The following CDH13 variants were observed in gnomAD, a reference collection of about 807,000 sequenced individuals.
The protein encoded by CDH13 is cadherin 13.
Under a neutral mutation model 63.8 loss-of-function variants are expected in CDH13, and 24 were observed. That is an observed-to-expected ratio of 0.38 (90% CI 0.27 to 0.53). The LOEUF (loss-of-function observed/expected upper bound fraction) is 0.53. CDH13 is among the 20% of genes least tolerant of loss of function. The probability of loss-of-function intolerance (pLI) is 0.85; values close to 1 mark genes in which losing one functional copy is unlikely to be tolerated. For synonymous variants in CDH13, 503 were observed against 355.3 expected (o/e 1.42, Z -4.67); for missense variants, 1,049 against 903.1 (o/e 1.16, Z -2.07).
At chr16:83,353,031 G>C (rs2090987925) in intron 6 of CDH13, among the ~76,000 whole-genome samples, 1 of 152,224 alleles carries the variant, frequency 6.6e-6, no homozygotes, top group Non-Finnish European at 1.5e-5. Flanking sequence ...TGTACACATG[G>C]ACATAGAGTG....
chr16:83,226,465 T>C (rs1021907186), intron 5 of CDH13, among the ~76,000 whole-genome samples: 1 of 152,188 alleles, frequency 6.6e-6, no homozygotes, highest in Non-Finnish European at 1.5e-5. Context: ...CTTAATTTTC[T>C]CTTCTCCACC....
intron 4 of CDH13, among the ~76,000 whole-genome samples, chr16:83,181,773 GT>G (rs1383861366): frequency 6.6e-6 from 1 of 152,152 alleles, no homozygotes; most frequent in African/African-American, 2.4e-5. Flanking sequence ...CACAGGCAAA[GT>G]GAGTGTGTGT....
chr16:83,607,703 A>G (rs1908473160), intron 8 of CDH13, among the ~76,000 whole-genome samples: 1 of 152,216 alleles, frequency 6.6e-6, no homozygotes, highest in South Asian at 2.1e-4. Context: ...TGGAAACGCT[A>G]GTTTTTCTCT....
intron 3 of CDH13, among the ~76,000 whole-genome samples, chr16:83,057,156 G>C (rs1213027500): frequency 6.6e-6 from 1 of 152,058 alleles, no homozygotes; most frequent in Non-Finnish European, 1.5e-5. Context: ...TAGGAGAAAT[G>C]GGGTTTCACC....
chr16:83,366,158 T>A (rs908090585), intron 6 of CDH13, among the ~76,000 whole-genome samples: 10 of 152,196 alleles, frequency 6.6e-5, no homozygotes, highest in African/African-American at 2.4e-5. Context: ...GGGATTTTTT[T>A]AAAAAAGCAC....
At chr16:83,105,867 G>C (rs181927942) in intron 3 of CDH13, among the ~76,000 whole-genome samples, 170 of 152,304 alleles carry the variant, frequency 1.1e-3, no homozygotes, top group African/African-American at 4.0e-3. Context: ...GGAGAAAGTA[G>C]TGAGTCAGCG....
chr16:82,645,069 A>C (rs1229410269), intron 1 of CDH13, among the ~76,000 whole-genome samples: 1 of 152,150 alleles, frequency 6.6e-6, no homozygotes, highest in Non-Finnish European at 1.5e-5. Flanking sequence ...CCCTGAGGTT[A>C]AGGAAACTCT....
intron 8 of CDH13, among the ~76,000 whole-genome samples, chr16:83,607,611 A>G (rs1045049471): frequency 6.6e-6 from 1 of 152,210 alleles, no homozygotes; most frequent in African/African-American, 2.4e-5. Context: ...TTCACTGCAT[A>G]CGATGAACGA....
chr16:83,034,599 G>A (rs1195003391), intron 3 of CDH13, among the ~76,000 whole-genome samples: 2 of 152,234 alleles, frequency 1.3e-5, no homozygotes, highest in Non-Finnish European at 2.9e-5. Flanking sequence ...TAGAAACATG[G>A]AAATGGTATG....
intron 1 of CDH13, among the ~76,000 whole-genome samples, chr16:82,744,736 C>A (rs778266567): frequency 6.6e-5 from 10 of 152,142 alleles, no homozygotes; most frequent in Admixed American, 1.3e-4. Flanking sequence ...TACACATGAT[C>A]GCATTTAAGC....
At chr16:82,968,570 A>G (rs567987837) in intron 2 of CDH13, among the ~76,000 whole-genome samples, 13 of 152,094 alleles carry the variant, frequency 8.5e-5, no homozygotes, top group African/African-American at 1.4e-4. Context: ...CCACTTTTTA[A>G]CACACTGCAG....
intron 2 of CDH13, among the ~76,000 whole-genome samples, chr16:83,015,918 A>G (rs971187170): frequency 6.6e-6 from 1 of 151,718 alleles, no homozygotes; most frequent in Non-Finnish European, 1.5e-5. Flanking sequence ...TGCACTTCCC[A>G]TGATAATTCA....
At chr16:83,190,114 TACAC>T (rs1016000288) in intron 4 of CDH13, among the ~76,000 whole-genome samples, 18 of 152,210 alleles carry the variant, frequency 1.2e-4, no homozygotes, top group African/African-American at 4.1e-4. Flanking sequence ...AACAGACTAA[TACAC>T]ACATCTAACA....
chr16:83,224,533 A>G (rs534648407), intron 5 of CDH13, among the ~76,000 whole-genome samples: 1 of 152,350 alleles, frequency 6.6e-6, no homozygotes, highest in South Asian at 2.1e-4. Flanking sequence ...AATAACACAC[A>G]TGTGACCTAG....
intron 11 of CDH13, among the ~76,000 whole-genome samples, chr16:83,749,837 G>C (rs76373291): frequency 6.6e-6 from 1 of 152,172 alleles, no homozygotes. Flanking sequence ...TGTCCAGCCT[G>C]GGGGGTAGTC....
At chr16:83,497,170 C>T (rs989921332) in intron 7 of CDH13, among the ~76,000 whole-genome samples, 6 of 152,052 alleles carry the variant, frequency 3.9e-5, no homozygotes, top group African/African-American at 1.4e-4. Context: ...GGTATATACC[C>T]AAAGGACTAT....
intron 6 of CDH13, among the ~76,000 whole-genome samples, chr16:83,355,856 A>G (rs974165861): frequency 1.3e-5 from 2 of 152,224 alleles, no homozygotes; most frequent in Non-Finnish European, 2.9e-5. Context: ...CCAGGGTAAC[A>G]CAGCAGTGGT....
At chr16:83,538,104 T>A (rs1010609035) in intron 7 of CDH13, among the ~76,000 whole-genome samples, 1 of 152,180 alleles carries the variant, frequency 6.6e-6, no homozygotes, top group African/African-American at 2.4e-5. Flanking sequence ...CTTGAAGCAA[T>A]CTTAAATTAC....
intron 7 of CDH13, among the ~76,000 whole-genome samples, chr16:83,514,352 A>C (rs146718952): frequency 1.1e-3 from 167 of 152,310 alleles, no homozygotes; most frequent in African/African-American, 3.8e-3. Context: ...TATCCTCATA[A>C]GAAGAGGAGG....
Sources: allele counts gnomAD v4.1 joint callset (sites outside exome capture counted in the v4.1 genomes callset), GRCh38; gene constraint gnomAD v4.1.1; transcripts MANE v1.5; gene names NCBI Gene and HGNC (gene_info 2026-07-23, HGNC 2026-07-21).